The following USB1 variants were observed in gnomAD, a reference collection of about 807,000 sequenced individuals.
The protein encoded by USB1 is U6 snRNA biogenesis phosphodiesterase 1.
USB1 carries 21 observed loss-of-function variants against 29.9 expected under a neutral mutation model. The observed-to-expected ratio is 0.70, with a 90% CI of 0.50 to 1.01. USB1 has a LOEUF of 1.01. Among genes scored for constraint, USB1 ranks in the 50% least tolerant of loss-of-function variants. USB1 has a pLI of 0.00. For missense variants in USB1, 330 were observed against 347.1 expected (o/e 0.95, Z 0.39); for synonymous variants, 143 against 134.9 (o/e 1.06, Z -0.42).
chr16:57,999,680 A>T (rs1330982347), upstream of USB1: 4 of 152,284 alleles, frequency 2.6e-5, no homozygotes, highest in African/African-American at 9.6e-5. Flanking sequence ...TCTGCCAAAG[A>T]AATGTAAGAG....
chr16:58,019,213 C>T (rs1180181312), intron 6 of USB1, among the ~76,000 whole-genome samples, 158 bp downstream of exon 6: 1 of 152,154 alleles, frequency 6.6e-6, no homozygotes, highest in Non-Finnish European at 1.5e-5. Flanking sequence ...CAAGGTGTGG[C>T]CCCTGGACCA....
At chr16:58,000,093 T>A (rs552597737), upstream of USB1, among the ~76,000 whole-genome samples, 6 of 152,128 alleles carry the variant, frequency 3.9e-5, no homozygotes, top group East Asian at 1.2e-3. The surrounding 1 kb of genome is among the most constrained non-coding windows in gnomAD (Gnocchi z 4.5). Context: ...TGAAAGCCGA[T>A]CACCTCCCGC....
In USB1 at chr16:58,020,121, C is replaced by T; in HGVS notation, c.694-20C>T. 1 of 1,613,632 alleles carries T rather than the reference C, an allele frequency of 6.2e-7. No homozygotes were observed. Among genetic ancestry groups the T allele is most frequent in the East Asian group, 2.2e-5 (1 of 44,868 alleles). On this transcript the variant is annotated intron_variant, in intron 6 of 6. Coordinates refer to ENST00000219281, the MANE Select transcript of USB1 (RefSeq NM_024598.4). ...AGATGCCCCTTAATGTGACTGTCCT[C>T]CCCTGGCTGCTGTTTTAAGGCAATC...
upstream of USB1, among the ~76,000 whole-genome samples, chr16:58,000,116 C>G (rs570894007): frequency 3.9e-5 from 6 of 152,312 alleles, no homozygotes; most frequent in East Asian, 1.2e-3. This position sits in a 1 kb window ranked among gnomAD's most constrained non-coding sequence, Gnocchi z 4.5. Context: ...GCCCTGCCTG[C>G]AGGCCCAGCT....
intron 3 of USB1, chr16:58,010,965 G>A (rs1203703615): frequency 1.0e-5 from 7 of 700,574 alleles, no homozygotes; most frequent in African/African-American, 7.0e-5. Context: ...AGGGTAGGGG[G>A]TGGGGCTGAA....
At chr16:58,006,198 C>CA (rs1404219812) in intron 2 of USB1, among the ~76,000 whole-genome samples, 2 of 151,502 alleles carry the variant, frequency 1.3e-5, no homozygotes, top group Admixed American at 1.3e-4. Flanking sequence ...ACTAAAAATA[C>CA]AAAATTAGCC....
At position 58,009,943 on chromosome 16, in the gene USB1, G is replaced by T. The variant is rs1201671537; in HGVS notation, c.280G>T (p.Glu94Ter). 4 of 1,613,834 alleles carry T rather than the reference G, an allele frequency of 2.5e-6. No individual in the cohort carries two copies. Among genetic ancestry groups the T allele is most frequent in the Non-Finnish European group, 3.4e-6 (4 of 1,179,948 alleles). Residue 94 changes from glutamate (E) to a stop codon, truncating the protein, a stop_gained, in exon 3 of 7, where the codon GAG becomes TAG. Coordinates refer to ENST00000219281, the MANE Select transcript of USB1 (RefSeq NM_024598.4). LOFTEE classifies it high-confidence loss of function. ...HVYVPYEAKE[E>*]FLDLLDVLLP... The stretch of plus-strand genomic sequence containing the variant: ...CTCCCCTCCAGATGAAGCCAAGGAG[G>T]AGTTCCTGGATCTGCTTGATGTGTT...
chr16:58,002,805 C>G, intron 2 of USB1, 160 bp downstream of exon 2: 1 of 1,082,320 alleles, frequency 9.2e-7, no homozygotes, highest in Non-Finnish European at 1.3e-6. Flanking sequence ...GTTTCAAGAA[C>G]TGGGGATTTT....
intron 5 of USB1, 95 bp downstream of exon 5, chr16:58,017,534 C>A: frequency 9.0e-7 from 1 of 1,111,868 alleles, no homozygotes; most frequent in Non-Finnish European, 1.3e-6. Flanking sequence ...ACCGAAGACC[C>A]TTCAGAACCT....
intron 1 of USB1, 142 bp downstream of exon 1, chr16:58,001,723 T>A: frequency 9.7e-7 from 1 of 1,027,150 alleles, no homozygotes; most frequent in Non-Finnish European, 1.5e-6. Context: ...GAAAGGAGGA[T>A]CCAGAAGATA....
Position 58,020,651 on chromosome 16 carries a change from C to G in USB1, c.*406C>G, listed in dbSNP as rs1963721126. On this transcript the variant is annotated 3_prime_UTR_variant, in exon 7 of 7. Transcript: ENST00000219281. ...CTCTTCCTCTCCTCTCTCTCTTCCT[C>G]TCCTCTCTCTTCCCTTCCTGTCTCT... 1.0e-5 allele frequency: 3 copies of G among 297,434 alleles called. No homozygotes were observed. Among genetic ancestry groups the G allele is most frequent in the Non-Finnish European group, 2.0e-5 (3 of 153,796 alleles). 18.4% of individuals were successfully genotyped at this position (297,434 alleles called of 1,614,324 possible).
chr16:58,002,415 T>C (rs1226359896), intron 1 of USB1, 64 bp from the exon 2 acceptor site: 6 of 1,603,872 alleles, frequency 3.7e-6, no homozygotes, highest in Non-Finnish European at 5.1e-6. Context: ...ACTTTTGTGG[T>C]ATATACAAAG....
Position 58,002,647 on chromosome 16 carries a change from T to G in USB1, c.265+2T>G, listed in dbSNP as rs1555497680. ...GGGCCACCCACGTCTATGTACCATG[T>G]GAGTGATGTGTGAAAGGCAAGTTGC... On this transcript the variant is annotated splice_donor_variant, in intron 2 of 6. Transcript: ENST00000219281. LOFTEE classifies it high-confidence loss of function. 1 of 1,613,696 alleles carries G rather than the reference T, an allele frequency of 6.2e-7. No individual in the cohort carries two copies. Among genetic ancestry groups the G allele is most frequent in the Non-Finnish European group, 8.5e-7 (1 of 1,179,946 alleles).
intron 2 of USB1, among the ~76,000 whole-genome samples, chr16:58,007,006 A>T (rs547285860): frequency 4.6e-5 from 7 of 152,286 alleles, no homozygotes; most frequent in Non-Finnish European, 1.0e-4. Flanking sequence ...TATTGATTGG[A>T]TGGATTACAT....
At chr16:58,004,367 C>T (rs1471002599) in intron 2 of USB1, among the ~76,000 whole-genome samples, 23 of 152,140 alleles carry the variant, frequency 1.5e-4, no homozygotes, top group Non-Finnish European at 7.3e-5. Context: ...AGTTAAGTCT[C>T]GAAGTTGGGT....
chr16:58,001,135 G>A (rs1257891907), upstream of USB1, among the ~76,000 whole-genome samples: 2 of 152,150 alleles, frequency 1.3e-5, no homozygotes, highest in Non-Finnish European at 2.9e-5. Flanking sequence ...GCGCTGACCC[G>A]GGACTGTCGT....
intron 3 of USB1, chr16:58,012,256 C>T: frequency 6.5e-7 from 1 of 1,534,136 alleles, no homozygotes; most frequent in Non-Finnish European, 8.7e-7. Context: ...TCCAGCCCTC[C>T]CCCTCTTTGG....
chr16:58,009,446 G>A (rs567241129), intron 2 of USB1, among the ~76,000 whole-genome samples: 72 of 152,262 alleles, frequency 4.7e-4, no homozygotes, highest in African/African-American at 1.6e-3. Flanking sequence ...GAGGCTGGGC[G>A]CAGTGGCTCA....
rs533588176 is a variant in USB1 at position 58,014,196 on chromosome 16, G to GT, written c.450-68dup. The GT allele has an allele frequency of 3.0e-3, 3,581 of 1,189,268 alleles. 6 individuals carry two copies. Among genetic ancestry groups the GT allele is most frequent in the Middle Eastern group, 5.8e-3 (30 of 5,182 alleles). The allele number at this position is 1,189,268 out of a possible 1,614,324, so 73.7% of individuals were successfully genotyped here. A position where few individuals can be genotyped will look rare whatever the true frequency, so the allele number is the denominator to read the frequency against. ...GAGTTAACTATATTTTCAAAGTGCT[G>GT]TTTTTTTTTAACATAAGCTATTTTT... is the stretch of plus-strand genomic sequence containing the variant. On this transcript the variant is annotated intron_variant, in intron 3 of 6. Coordinates refer to ENST00000219281, the MANE Select transcript of USB1 (RefSeq NM_024598.4).
Sources: gnomAD v4.1 joint callset for allele counts (sites outside exome capture counted in the v4.1 genomes callset) on GRCh38, gnomAD v4.1.1 for gene constraint, Gnocchi (gnomAD v3.1) non-coding constraint, MANE v1.5 for transcripts, NCBI Gene and HGNC (gene_info 2026-07-23, HGNC 2026-07-21) for gene names.